NR3C2: variants seen among roughly 807,000 people sequenced by gnomAD.
NR3C2 encodes the protein nuclear receptor subfamily 3 group C member 2.
NR3C2 carries 15 observed loss-of-function variants against 86.4 expected under a neutral mutation model. The observed-to-expected ratio is 0.17, with a 90% CI of 0.12 to 0.27. The LOEUF (loss-of-function observed/expected upper bound fraction) is 0.27. Ranked by LOEUF, NR3C2 falls within the 10% of genes least tolerant of loss-of-function variation. The probability of loss-of-function intolerance (pLI) is 1.00; values close to 1 mark genes in which losing one functional copy is unlikely to be tolerated. For synonymous variants in NR3C2, 458 were observed against 450.5 expected (o/e 1.02, Z -0.21); for missense variants, 960 against 1,195.6 (o/e 0.80, Z 2.91).
In NR3C2 at chr4:148,170,504, GCTT is replaced by G. The variant is rs1171190219; in HGVS notation, c.2015-15606_2015-15604del. On this transcript the variant is annotated intron_variant, in intron 4 of 8. Coordinates refer to ENST00000358102, the MANE Select transcript of NR3C2 (RefSeq NM_000901.5). ...CACAAACATTTGCACTTCTGACACT[GCTT>G]GAAAAAAAATTTTTTTTGAATCTGG... 1.2e-4 allele frequency among the ~76,000 whole-genome samples: 18 copies of G among 152,134 alleles called. 1 individual carries two copies. In the South Asian group the frequency reaches 3.7e-3, roughly 32 times the overall value.
intron 2 of NR3C2, among the ~76,000 whole-genome samples, chr4:148,372,567 G>A (rs1053528603): frequency 2.6e-5 from 4 of 151,888 alleles, no homozygotes; most frequent in African/African-American, 9.7e-5. Flanking sequence ...AATACAATGT[G>A]CCTACAAGCA....
chr4:148,362,111 T>C (rs1745868568), intron 2 of NR3C2, among the ~76,000 whole-genome samples: 1 of 152,216 alleles, frequency 6.6e-6, no homozygotes, highest in Non-Finnish European at 1.5e-5. Context: ...AGTGCTGGGA[T>C]TATGGGCGTG....
intron 2 of NR3C2, among the ~76,000 whole-genome samples, chr4:148,314,352 A>C (rs1325690443): frequency 6.6e-6 from 1 of 152,146 alleles, no homozygotes; most frequent in Admixed American, 6.6e-5. Flanking sequence ...TTTTTTAGAT[A>C]TATAACTATG....
chr4:148,219,677 A>C (rs1737730621), intron 3 of NR3C2, among the ~76,000 whole-genome samples: 1 of 152,164 alleles, frequency 6.6e-6, no homozygotes. Flanking sequence ...CATATACTTC[A>C]AAACAACAGA....
Position 148,343,311 on chromosome 4 carries a change from A to G in NR3C2, c.1758-83194T>C, listed in dbSNP as rs929483008. Among the ~76,000 whole-genome samples, 3 of 152,128 alleles carry G rather than the reference A, an allele frequency of 2.0e-5. No homozygotes were observed. In the South Asian group the frequency reaches 6.2e-4, roughly 32 times the overall value. On this transcript the variant is annotated intron_variant, in intron 2 of 8. Coordinates refer to ENST00000358102, the MANE Select transcript of NR3C2 (RefSeq NM_000901.5). ...TTCTGTGCCATTGAAAGAACTGCTA[A>G]GTAAGAGGGTTTAACCCTTTATTTT... is the stretch of plus-strand genomic sequence containing the variant.
At chr4:148,205,021 G>C (rs912114544) in intron 3 of NR3C2, among the ~76,000 whole-genome samples, 6 of 152,234 alleles carry the variant, frequency 3.9e-5, no homozygotes, top group African/African-American at 7.2e-5. Context: ...CCAGGATAGA[G>C]AGAAGGGACT....
At chr4:148,444,422 G>A (rs1472289340), upstream of NR3C2, 1 of 986,054 alleles carries the variant, frequency 1.0e-6, no homozygotes, top group Non-Finnish European at 1.2e-6. Context: ...GCCAACCCGC[G>A]CCCTCTGCCC....
rs185927322 is a variant in NR3C2, at chr4:148,274,093, A to G, written c.1758-13976T>C. Among the ~76,000 whole-genome samples the G allele has an allele frequency of 2.2e-3, 339 of 152,232 alleles. No individual in the cohort carries two copies. The Middle Eastern group carries it at 0.034, about 15-fold the overall frequency. ...AATAAAAGGCAGCTCATGAGAAAAA[A>G]AAAAAAAAGGTAATACAGGTGAGAA... On this transcript the variant is annotated intron_variant, in intron 2 of 8. Transcript: ENST00000358102.
chr4:148,298,583 T>C (rs1422934370), intron 2 of NR3C2, among the ~76,000 whole-genome samples: 1 of 152,208 alleles, frequency 6.6e-6, no homozygotes, highest in Non-Finnish European at 1.5e-5. Flanking sequence ...AACTGAAATA[T>C]GACAAAATGA....
In NR3C2 at chr4:148,114,233, A is replaced by G. The variant is rs1732173503; in HGVS notation, c.2670T>C (p.Ala890=). Residue 890 remains alanine, a synonymous_variant, in exon 8 of 9, where the codon GCT becomes GCC. Coordinates refer to ENST00000358102, the MANE Select transcript of NR3C2 (RefSeq NM_000901.5). ...TIPKDGLKSQ[A]AFEEMRTNYI... ...AATTTGTCCTCATTTCTTCAAATGC[A>G]GCCTGGCTTTTGAGGCCATCCTTTG... 6.2e-7 allele frequency: 1 copy of G among 1,613,932 alleles called. No individual in the cohort carries two copies. The highest frequency in any genetic ancestry group is 1.7e-5 in the Admixed American group (1 of 59,986).
chr4:148,285,780 C>T (rs1741492840), intron 2 of NR3C2, among the ~76,000 whole-genome samples: 1 of 152,120 alleles, frequency 6.6e-6, no homozygotes, highest in Non-Finnish European at 1.5e-5. Context: ...CTGTCTTGTA[C>T]ATGTGGAGAT....
At position 148,121,068 on chromosome 4, in the gene NR3C2, C is replaced by G. The variant is rs139438234; in HGVS notation, c.2511-780G>C. Among the ~76,000 whole-genome samples the G allele has an allele frequency of 9.9e-3, 1,507 of 152,194 alleles. 23 individuals carry two copies. The highest frequency in any genetic ancestry group is 0.034 in the African/African-American group (1,414 of 41,514). On this transcript the variant is annotated intron_variant, in intron 6 of 8. Coordinates refer to ENST00000358102, the MANE Select transcript of NR3C2 (RefSeq NM_000901.5). ...GATGTTTTCCTTCAAAGTAATAAAC[C>G]TTTTGTAAGGCCCTGGATAACTACT... is the stretch of plus-strand genomic sequence containing the variant.
At chr4:148,152,662 C>T (rs777269304) in intron 5 of NR3C2, 49 bp from the exon 6 acceptor site, 3 of 1,589,958 alleles carry the variant, frequency 1.9e-6, no homozygotes, top group Non-Finnish European at 2.6e-6. Context: ...CATTTAAGTA[C>T]ATTCCAGGAA....
chr4:148,310,097 T>C (rs1045402043), intron 2 of NR3C2, among the ~76,000 whole-genome samples: 1 of 152,234 alleles, frequency 6.6e-6, no homozygotes, highest in African/African-American at 2.4e-5. Flanking sequence ...GAATTATTTT[T>C]ACAATGAAAA....
chr4:148,271,531 A>G (rs1219009053), intron 2 of NR3C2, among the ~76,000 whole-genome samples: 1 of 152,172 alleles, frequency 6.6e-6, no homozygotes, highest in Non-Finnish European at 1.5e-5. Context: ...ACGAAAGTAC[A>G]TAAAAATATA....
intron 7 of NR3C2, 23 bp from the exon 8 acceptor site, chr4:148,114,284 G>A (rs1732175955): frequency 3.1e-6 from 5 of 1,613,038 alleles, no homozygotes; most frequent in Non-Finnish European, 4.2e-6. Flanking sequence ...AAACAGACAT[G>A]TAAATTTCCA....
At chr4:148,179,211 G>A in intron 4 of NR3C2, among the ~76,000 whole-genome samples, 1 of 151,500 alleles carries the variant, frequency 6.6e-6, no homozygotes, top group East Asian at 1.9e-4. Flanking sequence ...TGGGGGTCCT[G>A]GCCCAAAGAG....
intron 3 of NR3C2, among the ~76,000 whole-genome samples, chr4:148,253,970 T>G (rs2149863909): frequency 6.6e-6 from 1 of 152,204 alleles, no homozygotes; most frequent in East Asian, 1.9e-4. Context: ...CCAGTATTCC[T>G]TATCTCAGTG....
At chr4:148,220,646 T>TA (rs755345555) in intron 3 of NR3C2, among the ~76,000 whole-genome samples, 10 of 151,976 alleles carry the variant, frequency 6.6e-5, no homozygotes, top group Non-Finnish European at 5.9e-5. Context: ...TCTCTACAAT[T>TA]AAAAATTAGC....
Sources: gnomAD v4.1 joint callset for allele counts (sites outside exome capture counted in the v4.1 genomes callset) on GRCh38, gnomAD v4.1.1 for gene constraint, MANE v1.5 for transcripts, NCBI Gene and HGNC (gene_info 2026-07-23, HGNC 2026-07-21) for gene names.